Variants in DPP10 observed in about 807,000 individuals in gnomAD.
The protein encoded by DPP10 is inactive dipeptidyl peptidase 10.
DPP10 carries 33 observed loss-of-function variants against 120.9 expected under a neutral mutation model. The observed-to-expected ratio is 0.27, with a 90% CI of 0.21 to 0.37. The LOEUF (loss-of-function observed/expected upper bound fraction) is 0.37. Ranked by LOEUF, DPP10 falls within the 10% of genes least tolerant of loss-of-function variation. The pLI, the probability that DPP10 is intolerant of heterozygous loss-of-function variation, is 1.00. For missense variants in DPP10, 816 were observed against 942.8 expected (o/e 0.87, Z 1.76); for synonymous variants, 337 against 326.1 (o/e 1.03, Z -0.36).
At chr2:115,079,107 G>A (rs933611168) in intron 1 of DPP10, among the ~76,000 whole-genome samples, 2 of 152,198 alleles carry the variant, frequency 1.3e-5, no homozygotes, top group African/African-American at 2.4e-5. Flanking sequence ...TCGGCCGGGC[G>A]CGGTGGCTCA....
At chr2:114,659,848 A>T (rs1371099058) in intron 1 of DPP10, among the ~76,000 whole-genome samples, 1 of 152,224 alleles carries the variant, frequency 6.6e-6, no homozygotes, top group Non-Finnish European at 1.5e-5. Context: ...CAGAGGGAAG[A>T]GAGCTGTATA....
chr2:115,448,065 A>G (rs1252023730), intron 3 of DPP10, among the ~76,000 whole-genome samples: 1 of 152,198 alleles, frequency 6.6e-6, no homozygotes, highest in Non-Finnish European at 1.5e-5. Context: ...ACAGAAGGAG[A>G]AGATCCACCC....
intron 1 of DPP10, among the ~76,000 whole-genome samples, chr2:114,749,602 T>TATTTTATTTTATTTTATTTTATTTTA (rs58156061): frequency 2.6e-5 from 4 of 151,036 alleles, no homozygotes; most frequent in African/African-American, 4.9e-5. Context: ...TATTTTATTT[T>TATTTTATTTTATTTTATTTTATTTTA]TTGAGACAGA....
intron 1 of DPP10, among the ~76,000 whole-genome samples, chr2:114,946,623 A>G (rs1010628931): frequency 5.3e-5 from 8 of 152,226 alleles, no homozygotes; most frequent in African/African-American, 1.9e-4. Context: ...TGTAAAACCA[A>G]TCTTGAATCC....
chr2:115,195,399 C>A (rs1233585762), intron 1 of DPP10, among the ~76,000 whole-genome samples: 1 of 152,092 alleles, frequency 6.6e-6, no homozygotes, highest in Non-Finnish European at 1.5e-5. Flanking sequence ...AACAAATAAG[C>A]AATTTTGCTC....
intron 5 of DPP10, among the ~76,000 whole-genome samples, chr2:115,528,664 G>A (rs1424470442): frequency 3.3e-5 from 5 of 151,858 alleles, no homozygotes; most frequent in Non-Finnish European, 4.4e-5. Context: ...TTCATCCCAT[G>A]TAATAAATAT....
At chr2:114,850,242 G>C (rs1241348915) in intron 1 of DPP10, among the ~76,000 whole-genome samples, 1 of 151,842 alleles carries the variant, frequency 6.6e-6, no homozygotes, top group African/African-American at 2.4e-5. Flanking sequence ...GCCCAGGCTG[G>C]TCTCAAACTC....
At chr2:115,210,251 A>G (rs924938166) in intron 1 of DPP10, among the ~76,000 whole-genome samples, 4 of 152,032 alleles carry the variant, frequency 2.6e-5, no homozygotes, top group Admixed American at 1.3e-4. Context: ...GTTCTCACCT[A>G]TGAGTGAGAA....
At chr2:114,814,437 T>C (rs963490683) in intron 1 of DPP10, among the ~76,000 whole-genome samples, 2 of 152,104 alleles carry the variant, frequency 1.3e-5, no homozygotes, top group Non-Finnish European at 2.9e-5. Flanking sequence ...AATTGTAATA[T>C]GTAATTTAAG....
At chr2:115,271,163 GTTC>G (rs1180350241) in intron 1 of DPP10, among the ~76,000 whole-genome samples, 5 of 152,176 alleles carry the variant, frequency 3.3e-5, no homozygotes, top group Non-Finnish European at 2.9e-5. Flanking sequence ...CACATTCAAT[GTTC>G]TTCTTTTTAG....
intron 1 of DPP10, among the ~76,000 whole-genome samples, chr2:114,615,721 A>T (rs1166436827): frequency 6.6e-6 from 1 of 152,166 alleles, no homozygotes; most frequent in Non-Finnish European, 1.5e-5. Context: ...CTGGAAAACA[A>T]AGATAATTGT....
At chr2:115,577,120 G>C (rs541801152) in intron 5 of DPP10, among the ~76,000 whole-genome samples, 1 of 152,136 alleles carries the variant, frequency 6.6e-6, no homozygotes, top group Non-Finnish European at 1.5e-5. Flanking sequence ...AATGAATATG[G>C]CCAAGGCTGA....
At chr2:114,508,282 A>G (rs565259561) in intron 1 of DPP10, among the ~76,000 whole-genome samples, 4 of 152,210 alleles carry the variant, frequency 2.6e-5, no homozygotes, top group Non-Finnish European at 5.9e-5. Context: ...ACCTCAGGTA[A>G]CCACTCATCT....
intron 1 of DPP10, among the ~76,000 whole-genome samples, chr2:115,255,679 A>T (rs1329123734): frequency 1.3e-5 from 2 of 152,162 alleles, no homozygotes; most frequent in Admixed American, 1.3e-4. Flanking sequence ...ATTTCCACAG[A>T]TATTTAGGGC....
chr2:115,208,783 G>T (rs1386014207), intron 1 of DPP10, among the ~76,000 whole-genome samples: 1 of 152,058 alleles, frequency 6.6e-6, no homozygotes, highest in Admixed American at 6.6e-5. Context: ...GTTCAAAATG[G>T]CTTTCTGGAC....
chr2:114,701,172 G>T lies in DPP10; in HGVS notation c.60+258334G>T, dbSNP rs190162372. 1.4e-3 allele frequency among the ~76,000 whole-genome samples: 214 copies of T among 152,214 alleles called. 1 individual carries two copies. Among genetic ancestry groups the T allele is most frequent in the Non-Finnish European group, 2.4e-3 (160 of 68,006 alleles). On this transcript the variant is annotated intron_variant, in intron 1 of 25. Transcript: ENST00000410059. ...CACATCATGGCCCTGAAGCAAGCTA[G>T]TGAATGTAATTCTTAAGTGCTAACA...
At chr2:115,683,140 G>C (rs1323186141) in intron 5 of DPP10, among the ~76,000 whole-genome samples, 1 of 151,762 alleles carries the variant, frequency 6.6e-6, no homozygotes, top group Non-Finnish European at 1.5e-5. Context: ...GACATATCTA[G>C]ACTATGCAAT....
intron 1 of DPP10, among the ~76,000 whole-genome samples, chr2:115,263,805 T>C (rs2059350601): frequency 6.6e-6 from 1 of 152,198 alleles, no homozygotes; most frequent in African/African-American, 2.4e-5. Flanking sequence ...ACATGTTAGA[T>C]AGCGTTGCAC....
intron 1 of DPP10, among the ~76,000 whole-genome samples, chr2:114,957,124 A>C (rs1000793724): frequency 1.3e-5 from 2 of 151,970 alleles, no homozygotes; most frequent in African/African-American, 4.8e-5. Context: ...CAAAGGAAAT[A>C]ATAGAGTGAA....
Sources: allele counts gnomAD v4.1 joint callset (sites outside exome capture counted in the v4.1 genomes callset), GRCh38; gene constraint gnomAD v4.1.1; transcripts MANE v1.5; gene names NCBI Gene and HGNC (gene_info 2026-07-23, HGNC 2026-07-21).